HPSE2: variants seen among roughly 807,000 people sequenced by gnomAD.
The protein encoded by HPSE2 is heparanase 2 (inactive).
HPSE2 carries 38 observed loss-of-function variants against 60.5 expected under a neutral mutation model. The observed-to-expected ratio is 0.63, with a 90% CI of 0.48 to 0.82. The LOEUF (loss-of-function observed/expected upper bound fraction) is 0.82, where lower values mean the gene tolerates loss of function less well. HPSE2 is among the 40% of genes least tolerant of loss of function. The probability of loss-of-function intolerance (pLI) is 0.00; values close to 1 mark genes in which losing one functional copy is unlikely to be tolerated. For missense variants in HPSE2, 713 were observed against 740.4 expected (o/e 0.96, Z 0.43); for synonymous variants, 295 against 293.2 (o/e 1.01, Z -0.06).
In HPSE2 at chr10:98,974,285, G is replaced by GA. The variant is rs531829764; in HGVS notation, c.610+169952dup. Among the ~76,000 whole-genome samples the GA allele has an allele frequency of 6.5e-4, 96 of 146,734 alleles. No homozygotes were observed. In the East Asian group the frequency reaches 8.9e-3, roughly 14 times the overall value. ...GCCTGGGCGACACAGAGTGACTCTG[G>GA]AAAAAAAAAAGAAAGAAAAGAAAGA... On this transcript the variant is annotated intron_variant, in intron 3 of 11. Coordinates refer to ENST00000370552, the MANE Select transcript of HPSE2 (RefSeq NM_021828.5).
chr10:98,783,131 C>T (rs1467214019), intron 3 of HPSE2, among the ~76,000 whole-genome samples: 1 of 60,696 alleles, frequency 1.6e-5, no homozygotes. Context: ...TGATATTCCC[C>T]TTCCTGTGTC....
intron 3 of HPSE2, among the ~76,000 whole-genome samples, chr10:98,764,639 A>C (rs1950079200): frequency 6.6e-6 from 1 of 152,202 alleles, no homozygotes; most frequent in Non-Finnish European, 1.5e-5. Flanking sequence ...AGATCACTTG[A>C]GGTCAGAAGT....
chr10:98,930,806 T>A (rs2135108305), intron 3 of HPSE2, among the ~76,000 whole-genome samples: 1 of 144,534 alleles, frequency 6.9e-6, no homozygotes, highest in South Asian at 2.1e-4. Context: ...TTTGCCTACT[T>A]TTTGATGGGG....
intron 7 of HPSE2, among the ~76,000 whole-genome samples, chr10:98,629,071 C>T (rs1946292118): frequency 6.6e-6 from 1 of 152,194 alleles, no homozygotes; most frequent in Non-Finnish European, 1.5e-5. Flanking sequence ...CAGCCACTGG[C>T]TGTGTAAGAA....
At chr10:98,618,304 C>A (rs1945975912) in intron 8 of HPSE2, among the ~76,000 whole-genome samples, 1 of 152,166 alleles carries the variant, frequency 6.6e-6, no homozygotes, top group Non-Finnish European at 1.5e-5. Flanking sequence ...GGCTGATGCT[C>A]ATGAAAAGGC....
intron 3 of HPSE2, among the ~76,000 whole-genome samples, chr10:98,861,647 C>G (rs1446705412): frequency 6.6e-6 from 1 of 152,124 alleles, no homozygotes; most frequent in Non-Finnish European, 1.5e-5. Context: ...CAATACTTGC[C>G]TTTTGACATA....
At chr10:98,530,981 G>C (rs1164253771) in intron 9 of HPSE2, among the ~76,000 whole-genome samples, 1 of 152,124 alleles carries the variant, frequency 6.6e-6, no homozygotes, top group Non-Finnish European at 1.5e-5. Context: ...CTCCCTGCCT[G>C]CCTGGCCATT....
At chr10:99,283,661 A>G in the HPSE2 span, among the ~76,000 whole-genome samples, 1 of 152,146 alleles carries the variant, frequency 6.6e-6, no homozygotes, top group Non-Finnish European at 1.5e-5. Context: ...ATCAGAAATG[A>G]AAAAGGGGAC....
intron 3 of HPSE2, among the ~76,000 whole-genome samples, chr10:99,033,578 C>T (rs1384039972): frequency 2.0e-5 from 3 of 151,934 alleles, no homozygotes; most frequent in African/African-American, 4.8e-5. Context: ...GTCAGGAGAT[C>T]GAGACCATCC....
chr10:98,743,017 G>T (rs1949540147), intron 4 of HPSE2, among the ~76,000 whole-genome samples: 1 of 144,794 alleles, frequency 6.9e-6, no homozygotes, highest in African/African-American at 2.6e-5. Flanking sequence ...CTGTTGCCCA[G>T]GCTGGAGTGT....
chr10:98,685,270 T>G (rs1174592208), intron 6 of HPSE2, among the ~76,000 whole-genome samples: 1 of 152,214 alleles, frequency 6.6e-6, no homozygotes. Flanking sequence ...TTCTTTTTCT[T>G]ATGCAATTTT....
In HPSE2 at chr10:99,052,994, A is replaced by T. The variant is rs545299955; in HGVS notation, c.610+91244T>A. On this transcript the variant is annotated intron_variant, in intron 3 of 11. Coordinates refer to ENST00000370552, the MANE Select transcript of HPSE2 (RefSeq NM_021828.5). ...AGGGGACTGGAAATGATAAATATAT[A>T]GATAATTTTAACAGATGGTATTTTC... Among the ~76,000 whole-genome samples, 3 of 151,806 alleles carry T rather than the reference A, an allele frequency of 2.0e-5. No individual in the cohort carries two copies. The South Asian group carries it at 6.3e-4, about 32-fold the overall frequency.
chr10:98,600,749 A>ACC (rs1395391409), intron 9 of HPSE2, among the ~76,000 whole-genome samples: 1 of 109,920 alleles, frequency 9.1e-6, no homozygotes. Flanking sequence ...ATACATACAC[A>ACC]CAAAAAAAAT....
intron 3 of HPSE2, among the ~76,000 whole-genome samples, chr10:98,897,819 C>T (rs1953537942): frequency 6.6e-6 from 1 of 151,750 alleles, no homozygotes; most frequent in African/African-American, 2.4e-5. Context: ...AAAGCATGAC[C>T]CATGAAAGAA....
intron 2 of HPSE2, among the ~76,000 whole-genome samples, chr10:99,145,504 C>T (rs1383966187): frequency 1.3e-5 from 2 of 151,602 alleles, no homozygotes; most frequent in African/African-American, 4.8e-5. Flanking sequence ...TAGCAGGAAG[C>T]TCTTATGCCC....
rs867727892 is a variant in HPSE2, at chr10:98,658,132, G to A, written c.1005-16192C>T. On this transcript the variant is annotated intron_variant, in intron 6 of 11. Coordinates refer to ENST00000370552, the MANE Select transcript of HPSE2 (RefSeq NM_021828.5). ...AAGTGGAGGCAGTTTTGGGGTTATA[G>A]GGTAAAGTATGGGCCTAAACGATAC... 6.6e-5 allele frequency among the ~76,000 whole-genome samples: 10 copies of A among 152,204 alleles called. No individual in the cohort carries two copies. The Middle Eastern group carries it at 0.014, about 207-fold the overall frequency.
At chr10:99,240,235 T>G (rs1026070198), upstream of HPSE2, among the ~76,000 whole-genome samples, 1 of 151,854 alleles carries the variant, frequency 6.6e-6, no homozygotes, top group African/African-American at 2.4e-5. Context: ...AATCCCTATA[T>G]TATTATCATT....
chr10:98,716,002 C>A (rs1948780347), intron 5 of HPSE2, among the ~76,000 whole-genome samples: 1 of 152,028 alleles, frequency 6.6e-6, no homozygotes, highest in Admixed American at 6.6e-5. Context: ...TGGAGTCAAT[C>A]CTGTCAAACT....
intron 4 of HPSE2, among the ~76,000 whole-genome samples, chr10:98,732,998 G>GAAA (rs1949265466): frequency 6.6e-6 from 1 of 152,184 alleles, no homozygotes; most frequent in African/African-American, 2.4e-5. Context: ...TGGCTAGTAA[G>GAAA]TACATGAAAA....
Sources: gnomAD v4.1 joint callset for allele counts (sites outside exome capture counted in the v4.1 genomes callset) on GRCh38, gnomAD v4.1.1 for gene constraint, MANE v1.5 for transcripts, NCBI Gene and HGNC (gene_info 2026-07-23, HGNC 2026-07-21) for gene names.